TULP1: variants seen among roughly 807,000 people sequenced by gnomAD.
The protein encoded by TULP1 is tubby-related protein 1.
A neutral mutation model predicts 67.1 loss-of-function variants in TULP1; 50 were observed. The observed-to-expected ratio is 0.75, with a 90% CI of 0.59 to 0.94. The LOEUF (loss-of-function observed/expected upper bound fraction) is 0.94, where lower values mean the gene tolerates loss of function less well. Among genes scored for constraint, TULP1 ranks in the 40% least tolerant of loss-of-function variants. The probability of loss-of-function intolerance (pLI) is 0.00; values close to 1 mark genes in which losing one functional copy is unlikely to be tolerated. For synonymous variants in TULP1, 297 were observed against 294.0 expected, an observed-to-expected ratio of 1.01 and a Z score of -0.11; for missense variants, 746 against 734.1, an observed-to-expected ratio of 1.02 and a Z score of -0.19.
rs1331834680 is a variant in TULP1, at chr6:35,512,270, G to T, written c.100C>A (p.Arg34=). Residue 34 remains arginine (R), a splice_region_variant and synonymous_variant, in exon 3 of 15, where the codon CGA becomes AGA. Coordinates refer to ENST00000229771, the MANE Select transcript of TULP1 (RefSeq NM_003322.6). The part of the protein sequence containing the change: ...SPEAPRRPKQ[R]PAPAQRLRKK... ...CTTAGCCTCTGTGCCGGGGCGGGTC[G>T]CTGCGGAACGGGGGTCAAGAGGAGG... The T allele has an allele frequency of 1.4e-6, 2 of 1,388,540 alleles. No homozygotes were observed. The allele number at this position is 1,388,540 out of a possible 1,614,324, so 86.0% of individuals were successfully genotyped here.
chr6:35,498,724 T>G lies in TULP1; in HGVS notation c.1496-264A>C, dbSNP rs1437800442. 6.6e-6 allele frequency among the ~76,000 whole-genome samples: 1 copy of G among 152,206 alleles called. No individual in the cohort carries two copies. Among genetic ancestry groups the G allele is most frequent in the East Asian group, 1.9e-4 (1 of 5,204 alleles). The stretch of plus-strand genomic sequence containing the variant: ...ACAGGCCATGCCTAGAGCCCGCACC[T>G]GATTAACTATAGGACCCTGTCAAAT... On this transcript the variant is annotated intron_variant, in intron 14 of 14. Coordinates refer to ENST00000229771, the MANE Select transcript of TULP1 (RefSeq NM_003322.6). The surrounding 1 kb of genome is among the most constrained non-coding windows in gnomAD (Gnocchi z 6.7).
At chr6:35,507,296 A>G (rs888273710) in intron 8 of TULP1, among the ~76,000 whole-genome samples, 8 of 151,186 alleles carry the variant, frequency 5.3e-5, no homozygotes, top group African/African-American at 1.9e-4. Flanking sequence ...TACCACAGGG[A>G]ACTATTTTAG....
intron 3 of TULP1, 46 bp downstream of exon 3, chr6:35,512,134 G>A: frequency 1.9e-6 from 2 of 1,047,420 alleles, no homozygotes; most frequent in Non-Finnish European, 2.4e-6. Context: ...CCTCCCTTCC[G>A]CAGCCCACAC....
In TULP1 at chr6:35,503,474, T is replaced by C. The variant is rs1761010504; in HGVS notation, c.1323+85A>G. The C allele has an allele frequency of 7.4e-7, 1 of 1,348,716 alleles. No individual in the cohort carries two copies. Among genetic ancestry groups the C allele is most frequent in the Non-Finnish European group, 1.0e-6 (1 of 968,932 alleles). 83.5% of individuals were successfully genotyped at this position (1,348,716 alleles called of 1,614,324 possible). ...TTGTGTTGGAGGGTGATGGATGTGC[T>C]CAGGGAGTTGGCTATTTCCTAAGCT... On this transcript the variant is annotated intron_variant, in intron 13 of 14. Transcript: ENST00000229771. This position sits in a 1 kb window ranked among gnomAD's most constrained non-coding sequence, Gnocchi z 4.0.
In TULP1 at chr6:35,511,753, G is replaced by C. The variant is rs1307986064; in HGVS notation, c.244C>G (p.Arg82Gly). The C allele has an allele frequency of 1.3e-6, 2 of 1,583,724 alleles. No individual in the cohort carries two copies. The highest frequency in any genetic ancestry group is 1.7e-4 in the Middle Eastern group (1 of 6,006). The part of the protein sequence containing the change: ...EEPSPDPAQA[R>G]APQTVYARFL... The stretch of plus-strand genomic sequence containing the variant: ...CTGGCGTAGACCGTCTGCGGCGCCC[G>C]GGCCTGGGCTGGGTCTGGGGAAGGC... Residue 82 changes from arginine to glycine, a missense_variant, in exon 4 of 15, where the codon CGG becomes GGG. Transcript: ENST00000229771.
At position 35,497,999 on chromosome 6, in the gene TULP1, T is replaced by C; in HGVS notation, c.*328A>G. ...GCGCGGTCCCGGGGAGAGGGGAGGT[T>C]AAAACAACAATGACTACTGCTCCCG... On this transcript the variant is annotated 3_prime_UTR_variant, in exon 15 of 15. Transcript: ENST00000229771. 2 of 469,870 alleles carry C rather than the reference T, an allele frequency of 4.3e-6. No individual in the cohort carries two copies. Among genetic ancestry groups the C allele is most frequent in the Non-Finnish European group, 7.8e-6 (2 of 257,098 alleles). 29.1% of individuals were successfully genotyped at this position (469,870 alleles called of 1,614,324 possible).
chr6:35,512,536 C>A, intron 2 of TULP1, 103 bp downstream of exon 2: 1 of 1,484,128 alleles, frequency 6.7e-7, no homozygotes, highest in Non-Finnish European at 9.4e-7. Context: ...AACCCCCAGA[C>A]CCTGCTAAGG....
In TULP1 at chr6:35,505,756, A is replaced by C; in HGVS notation, c.1097T>G (p.Phe366Cys). Residue 366 changes from phenylalanine to cysteine, a missense_variant, in exon 11 of 15, where the codon TTC becomes TGC. Phe to Cys is a radical substitution (Grantham distance 205). Transcript: ENST00000229771. ...CCAGCCCCACCTCAGCTTCCCGATG[A>C]AATTCTCCCCTCCTCGGGACAGATT... ...PTNLSRGGEN[F>C]IGKLRSNLLG... 6.2e-7 allele frequency: 1 copy of C among 1,614,146 alleles called. No individual in the cohort carries two copies. The highest frequency in any genetic ancestry group is 8.5e-7 in the Non-Finnish European group (1 of 1,180,018).
intron 11 of TULP1, among the ~76,000 whole-genome samples, chr6:35,504,290 G>A (rs1004549453): frequency 6.6e-6 from 1 of 152,118 alleles, no homozygotes; most frequent in East Asian, 1.9e-4. Context: ...AGTGAGCCAT[G>A]GCCTTGATCA....
At chr6:35,512,005 C>G (rs1038419742) in intron 3 of TULP1, 175 bp downstream of exon 3, 17 of 679,700 alleles carry the variant, frequency 2.5e-5, no homozygotes, top group Middle Eastern at 4.2e-4. Context: ...AACGCCACCC[C>G]CTTCTACACC....
intron 8 of TULP1, among the ~76,000 whole-genome samples, chr6:35,507,346 C>T (rs1296351151): frequency 1.3e-5 from 2 of 151,736 alleles, no homozygotes; most frequent in Non-Finnish European, 2.9e-5. Flanking sequence ...TCAGAGTGAC[C>T]GAAGCCCCAG....
chr6:35,511,891 G>T, intron 3 of TULP1, 85 bp from the exon 4 acceptor site: 5 of 1,410,386 alleles, frequency 3.5e-6, no homozygotes, highest in South Asian at 1.4e-5. Context: ...AAGCCTGGGC[G>T]CACCCCCTCG....
intron 14 of TULP1, among the ~76,000 whole-genome samples, chr6:35,499,271 T>C (rs769593531): frequency 1.3e-5 from 2 of 152,072 alleles, no homozygotes; most frequent in African/African-American, 2.4e-5. Context: ...AGACACAGAG[T>C]AGGCACTCAA....
In TULP1 at chr6:35,506,049, C is replaced by G. The variant is rs986255916; in HGVS notation, c.953G>C (p.Arg318Pro). ...RLTRDKKGMD[R>P]GMYPSYFLHL... The stretch of plus-strand genomic sequence containing the variant: ...CAGGAAGTAGGAGGGATACATGCCT[C>G]GATCCATGCCCTTTTTGTCCCGGGT... Residue 318 changes from arginine to proline, a missense_variant, in exon 10 of 15, where the codon CGA becomes CCA. Physicochemically the swap from Arg to Pro is moderately radical, Grantham distance 103. Around this residue, in one of 3 missense-constraint regions of TULP1, gnomAD observed 383 missense variants for 374.1 expected, o/e 1.02. Coordinates refer to ENST00000229771, the MANE Select transcript of TULP1 (RefSeq NM_003322.6). 1.2e-6 allele frequency: 2 copies of G among 1,613,742 alleles called. No homozygotes were observed. The highest frequency in any genetic ancestry group is 2.7e-5 in the African/African-American group (2 of 74,934).
In TULP1 at chr6:35,498,552, C is replaced by A; in HGVS notation, c.1496-92G>T. On this transcript the variant is annotated intron_variant, in intron 14 of 14. Transcript: ENST00000229771. This position sits in a 1 kb window ranked among gnomAD's most constrained non-coding sequence, Gnocchi z 6.7. ...CCCTCAACCTTGGGGGCAGTCTGTC[C>A]CTTGCCTTGGGGCTCCAACCCTCAG... The A allele has an allele frequency of 6.3e-7, 1 of 1,579,022 alleles. No individual in the cohort carries two copies. The highest frequency in any genetic ancestry group is 2.3e-5 in the East Asian group (1 of 43,934).
In TULP1 at chr6:35,511,644, TCA is replaced by T; in HGVS notation, c.349+2_349+3del. On this transcript the variant is annotated splice_donor_variant and splice_donor_region_variant and intron_variant, in intron 4 of 14. Transcript: ENST00000229771. LOFTEE classifies it high-confidence loss of function. ...TCACCCGCGTCCCTGGGGCCCTCTC[TCA>T]CCGTCCTCCGCGTCTGGGGCACGGG... 1 of 1,592,164 alleles carries T rather than the reference TCA, an allele frequency of 6.3e-7. No homozygotes were observed. Among genetic ancestry groups the T allele is most frequent in the African/African-American group, 1.3e-5 (1 of 74,316 alleles).
Position 35,498,713 on chromosome 6 carries a change from G to A in TULP1, c.1496-253C>T, listed in dbSNP as rs1768763525. Among the ~76,000 whole-genome samples, 1 of 152,202 alleles carries A rather than the reference G, an allele frequency of 6.6e-6. No homozygotes were observed. Among genetic ancestry groups the A allele is most frequent in the African/African-American group, 2.4e-5 (1 of 41,430 alleles). On this transcript the variant is annotated intron_variant, in intron 14 of 14. Coordinates refer to ENST00000229771, the MANE Select transcript of TULP1 (RefSeq NM_003322.6). The surrounding 1 kb of genome is among the most constrained non-coding windows in gnomAD (Gnocchi z 6.7). Reference sequence around the variant, plus strand: ...CTGCTGCTGCCACAGGCCATGCCTAGAGCCCGCACCTGATTAACTATAGGA... The same window carrying A: ...CTGCTGCTGCCACAGGCCATGCCTAAAGCCCGCACCTGATTAACTATAGGA...
At chr6:35,510,242 AT>A (rs1259606965) in intron 5 of TULP1, among the ~76,000 whole-genome samples, 1 of 152,004 alleles carries the variant, frequency 6.6e-6, no homozygotes, top group African/African-American at 2.4e-5. Flanking sequence ...ACTTCTGCTC[AT>A]TTTGGTTTTT....
intron 11 of TULP1, chr6:35,504,193 T>C: frequency 3.4e-6 from 1 of 297,902 alleles, no homozygotes; most frequent in Middle Eastern, 1.2e-3. Flanking sequence ...TGCCAAATTA[T>C]CTAGGCACGG....
Sources: gnomAD v4.1 joint callset for allele counts (sites outside exome capture counted in the v4.1 genomes callset) on GRCh38, gnomAD v4.1.1 for gene constraint, gnomAD v4.1.1 regional missense constraint, Gnocchi (gnomAD v3.1) non-coding constraint, MANE v1.5 for transcripts, NCBI Gene and HGNC (gene_info 2026-07-23, HGNC 2026-07-21) for gene names.